The following VPS13C variants were observed in gnomAD, a reference collection of about 807,000 sequenced individuals.
VPS13C encodes the protein intermembrane lipid transfer protein VPS13C.
In VPS13C, 358 loss-of-function variants were observed where a neutral mutation model predicts 456.8. The observed-to-expected ratio is 0.78, with a 90% CI of 0.72 to 0.86. The LOEUF (loss-of-function observed/expected upper bound fraction) is 0.86. Ranked by LOEUF, VPS13C falls within the 40% of genes least tolerant of loss-of-function variation. The pLI, the probability that VPS13C is intolerant of heterozygous loss-of-function variation, is 0.00. For missense variants in VPS13C, 4,818 were observed against 4,385.4 expected (o/e 1.10, Z -2.79); for synonymous variants, 1,578 against 1,486.7 (o/e 1.06, Z -1.41).
rs2044584298 is a variant in VPS13C, at chr15:61,945,794, G to C, written c.5069C>G (p.Ser1690Cys). 5.6e-6 allele frequency: 9 copies of C among 1,613,218 alleles called. No homozygotes were observed. The highest frequency in any genetic ancestry group is 3.3e-5 in the Admixed American group (2 of 59,928). ...ATEGEAYADM[S>C]KVDGKLSFKV... ...AAAACTAAGTTTGCCGTCTACTTTG[G>C]ACATATCAGCATAGGCCTCTCCTTC... Residue 1690 changes from serine to cysteine, a missense_variant, in exon 45 of 85, where the codon TCC becomes TGC. This residue lies in a region of VPS13C where 4,552 missense variants were observed against 4,130.6 expected (regional missense o/e 1.10). Transcript: ENST00000644861.
chr15:61,953,127 T>C (rs1044283044), intron 38 of VPS13C, among the ~76,000 whole-genome samples: 1 of 152,114 alleles, frequency 6.6e-6, no homozygotes, highest in African/African-American at 2.4e-5. Flanking sequence ...AGTCCCTGTA[T>C]CCACTATGCT....
chr15:62,011,414 T>A (rs2047032505), intron 12 of VPS13C, among the ~76,000 whole-genome samples: 1 of 152,060 alleles, frequency 6.6e-6, no homozygotes, highest in South Asian at 2.1e-4. Context: ...TCAAAAAATG[T>A]AGGGATCTAT....
Position 61,866,288 on chromosome 15 carries a change from ATATCT to A in VPS13C, c.10863+2366_10863+2370del. On this transcript the variant is annotated intron_variant, in intron 81 of 84. Coordinates refer to ENST00000644861, the MANE Select transcript of VPS13C (RefSeq NM_020821.3). ...GCACTAAAGTTTTAAAAGTTGTCTG[ATATCT>A]TAATAAAAACTAAGAAATCAGACAA... is the stretch of plus-strand genomic sequence containing the variant. 4.1e-6 allele frequency: 4 copies of A among 983,610 alleles called. No individual in the cohort carries two copies. In the South Asian group the frequency reaches 1.4e-4, roughly 35 times the overall value. The allele number at this position is 983,610 out of a possible 1,614,324, so 60.9% of individuals were successfully genotyped here.
Position 61,919,449 on chromosome 15 carries a change from A to G in VPS13C, c.7478T>C (p.Val2493Ala). The change falls in exon 58 of 85, where the codon GTA becomes GCA. Residue 2493 changes from valine (V) to alanine (A), a missense_variant and splice_region_variant. Physicochemically the swap from Val to Ala is moderately conservative, Grantham distance 64 (BLOSUM62 0). Around this residue, in one of 3 missense-constraint regions of VPS13C, gnomAD observed 4,552 missense variants for 4,130.6 expected, o/e 1.10. Transcript: ENST00000644861. ...TGCAACTTCTGTATATCCATGAGGT[A>G]CTAAGGCAGTGCATAAGTGAAAAGA... The part of the protein sequence containing the change: ...QESSFFTLTI[V>A]PHGYTEVANI... 2 of 1,540,276 alleles carry G rather than the reference A, an allele frequency of 1.3e-6. No individual in the cohort carries two copies. Among genetic ancestry groups the G allele is most frequent in the Non-Finnish European group, 1.7e-6 (2 of 1,148,726 alleles).
At chr15:61,973,266 A>T (rs1410482369) in intron 26 of VPS13C, among the ~76,000 whole-genome samples, 188 bp downstream of exon 26, 1 of 152,190 alleles carries the variant, frequency 6.6e-6, no homozygotes, top group East Asian at 1.9e-4. Context: ...TCATTTGTCC[A>T]ACGAAGACAG....
At chr15:61,909,673 A>C (rs934013559) in intron 64 of VPS13C, among the ~76,000 whole-genome samples, 3 of 152,218 alleles carry the variant, frequency 2.0e-5, no homozygotes, top group African/African-American at 7.2e-5. Flanking sequence ...AAGACATTTT[A>C]TTTTAAAATA....
rs939884086 is a variant in VPS13C, at chr15:61,854,416, T to A, written c.*41A>T. On this transcript the variant is annotated 3_prime_UTR_variant, in exon 85 of 85. Transcript: ENST00000644861. ...CAGAGTGACTTATAGACAAGACCAGTGATTGTTTTTTCTCCCTGTTGGAGC... is the reference window on the plus strand; with the variant it reads ...CAGAGTGACTTATAGACAAGACCAGAGATTGTTTTTTCTCCCTGTTGGAGC... 6.5e-7 allele frequency: 1 copy of A among 1,527,490 alleles called. No homozygotes were observed. Among genetic ancestry groups the A allele is most frequent in the Admixed American group, 1.7e-5 (1 of 59,906 alleles). The allele number at this position is 1,527,490 out of a possible 1,614,324, so 94.6% of individuals were successfully genotyped here.
chr15:61,942,773 C>T (rs896516261), intron 45 of VPS13C, among the ~76,000 whole-genome samples: 3 of 152,046 alleles, frequency 2.0e-5, no homozygotes, highest in Non-Finnish European at 4.4e-5. Flanking sequence ...CCGGCACCCA[C>T]CTCCAAGTTA....
chr15:61,879,727 A>G (rs959612902), intron 73 of VPS13C, among the ~76,000 whole-genome samples: 1 of 152,096 alleles, frequency 6.6e-6, no homozygotes, highest in Non-Finnish European at 1.5e-5. Flanking sequence ...TGTTTAAGGT[A>G]TTGTTCAATC....
chr15:61,881,863 A>C, intron 69 of VPS13C, 35 bp from the exon 70 acceptor site: 1 of 1,543,222 alleles, frequency 6.5e-7, no homozygotes, highest in Non-Finnish European at 8.7e-7. Context: ...TCAAGATTTC[A>C]AATAATTTAA....
intron 15 of VPS13C, among the ~76,000 whole-genome samples, chr15:62,005,876 G>T (rs183928465): frequency 0.011 from 1,646 of 151,048 alleles, 39 homozygotes; most frequent in African/African-American, 0.038. Context: ...CTAATTTTTT[G>T]TATTTTTAGT....
intron 1 of VPS13C, among the ~76,000 whole-genome samples, chr15:62,050,805 C>CAAAAAA (rs34228451): frequency 3.6e-5 from 2 of 55,876 alleles, no homozygotes; most frequent in Admixed American, 2.0e-4. Context: ...GACCCAGTCT[C>CAAAAAA]AAAAAAAAAA....
chr15:61,922,026 T>G lies in VPS13C; in HGVS notation c.6983A>C (p.Tyr2328Ser), dbSNP rs769397645. 1 of 1,613,556 alleles carries G rather than the reference T, an allele frequency of 6.2e-7. No homozygotes were observed. Among genetic ancestry groups the G allele is most frequent in the South Asian group, 1.1e-5 (1 of 91,058 alleles). The stretch of plus-strand genomic sequence containing the variant: ...CCAGACAGCATGGATCTCATTGTAA[T>G]AGTGCACCTGGAAAGATACACACAA... The part of the protein sequence containing the change: ...AVADVTLQVH[Y>S]YNEIHAVWEP... The change falls in exon 55 of 85, where the codon TAT (tyrosine) becomes TCT (serine). Residue 2328 changes from tyrosine (Y) to serine (S), a missense_variant. This residue lies in a region of VPS13C where 4,552 missense variants were observed against 4,130.6 expected (regional missense o/e 1.10). Coordinates refer to ENST00000644861, the MANE Select transcript of VPS13C (RefSeq NM_020821.3).
chr15:61,932,232 A>G (rs989265789), intron 49 of VPS13C, among the ~76,000 whole-genome samples: 1 of 152,128 alleles, frequency 6.6e-6, no homozygotes, highest in African/African-American at 2.4e-5. Context: ...ACTTAACAGA[A>G]CCTCAGAGGC....
At chr15:61,894,731 T>A (rs75069122) in intron 66 of VPS13C, among the ~76,000 whole-genome samples, 3,059 of 152,132 alleles carry the variant, frequency 0.02, 65 homozygotes, top group East Asian at 0.07. Context: ...CAGCCAAATA[T>A]ATAAAGAAAA....
chr15:61,876,196 A>G (rs34589937), intron 75 of VPS13C, among the ~76,000 whole-genome samples: 10,351 of 151,940 alleles, frequency 0.068, 396 homozygotes, highest in Non-Finnish European at 0.08. Context: ...AGTTTAGGAG[A>G]CTGAGATGAG....
intron 56 of VPS13C, 37 bp downstream of exon 56, chr15:61,920,461 T>A (rs1225679717): frequency 6.7e-7 from 1 of 1,497,954 alleles, no homozygotes; most frequent in Non-Finnish European, 8.9e-7. Context: ...CATTTTAAAA[T>A]TCCACTTGAA....
At chr15:61,892,812 CAG>C (rs2042691481) in intron 66 of VPS13C, among the ~76,000 whole-genome samples, 4 of 152,042 alleles carry the variant, frequency 2.6e-5, no homozygotes, top group Non-Finnish European at 2.9e-5. Flanking sequence ...TAAAATTAAA[CAG>C]AAATGCTGGA....
intron 13 of VPS13C, among the ~76,000 whole-genome samples, chr15:62,009,959 G>A (rs111863782): frequency 1.3e-5 from 2 of 152,164 alleles, no homozygotes; most frequent in African/African-American, 2.4e-5. Context: ...AGGCCGAGGC[G>A]GGCAGATCAT....
Sources: allele counts gnomAD v4.1 joint callset (sites outside exome capture counted in the v4.1 genomes callset), GRCh38; gene constraint gnomAD v4.1.1; regional missense constraint gnomAD v4.1.1; transcripts MANE v1.5; gene names NCBI Gene and HGNC (gene_info 2026-07-23, HGNC 2026-07-21).